Variants in TSPAN5 observed in about 807,000 individuals in gnomAD.
TSPAN5 encodes tetraspanin 5.
Under a neutral mutation model 37.1 loss-of-function variants are expected in TSPAN5, and 10 were observed. That is an observed-to-expected ratio of 0.27 (90% confidence interval 0.17 to 0.46). The LOEUF (loss-of-function observed/expected upper bound fraction) is 0.46. Among genes scored for constraint, TSPAN5 ranks in the 20% least tolerant of loss-of-function variants. The pLI is 1.00. For missense variants in TSPAN5, 195 were observed against 326.6 expected (o/e 0.60, Z 3.11); for synonymous variants, 110 against 118.9 (o/e 0.93, Z 0.48).
chr4:98,614,598 A>G (rs1310258627), intron 1 of TSPAN5, among the ~76,000 whole-genome samples: 2 of 152,236 alleles, frequency 1.3e-5, no homozygotes, highest in Non-Finnish European at 2.9e-5. Flanking sequence ...ATTAAAAATA[A>G]GAAAATGACA....
intron 1 of TSPAN5, among the ~76,000 whole-genome samples, chr4:98,652,285 G>T (rs1757208224): frequency 6.6e-6 from 1 of 152,200 alleles, no homozygotes; most frequent in Admixed American, 6.5e-5. Flanking sequence ...TTGGAAGTTA[G>T]AAATTTTAAG....
At chr4:98,553,642 G>C (rs754320169) in intron 1 of TSPAN5, among the ~76,000 whole-genome samples, 1 of 152,100 alleles carries the variant, frequency 6.6e-6, no homozygotes, top group Non-Finnish European at 1.5e-5. Context: ...GTGTTTTTGG[G>C]TATGTTTTCA....
rs1752582080 is a variant in TSPAN5 at position 98,471,461 on chromosome 4, C to T, written c.*1061G>A. 1 of 152,114 alleles carries T rather than the reference C, an allele frequency of 6.6e-6. No individual in the cohort carries two copies. Among genetic ancestry groups the T allele is most frequent in the South Asian group, 2.1e-4 (1 of 4,816 alleles). 9.4% of individuals were successfully genotyped at this position (152,114 alleles called of 1,614,324 possible). A position where few individuals can be genotyped will look rare whatever the true frequency, so the allele number is the denominator to read the frequency against. ...GCCACAACCTCCCAAGGCTGTGAAC[C>T]TAGGAAATAAGTGCTGACCAAATAA... On this transcript the variant is annotated 3_prime_UTR_variant, in exon 8 of 8. Coordinates refer to ENST00000305798, the MANE Select transcript of TSPAN5 (RefSeq NM_005723.4).
At chr4:98,587,874 C>A (rs1755531497) in intron 1 of TSPAN5, among the ~76,000 whole-genome samples, 1 of 151,238 alleles carries the variant, frequency 6.6e-6, no homozygotes, top group African/African-American at 2.4e-5. Context: ...GGTGACAGAA[C>A]AAGACTCCGT....
intron 1 of TSPAN5, among the ~76,000 whole-genome samples, chr4:98,582,113 G>A (rs1347375542): frequency 6.6e-6 from 1 of 152,172 alleles, no homozygotes; most frequent in African/African-American, 2.4e-5. Context: ...TTGCCAGGTG[G>A]AATCGTTAAA....
intron 5 of TSPAN5, among the ~76,000 whole-genome samples, chr4:98,477,473 T>C (rs993021006): frequency 1.3e-5 from 2 of 152,044 alleles, no homozygotes; most frequent in African/African-American, 4.8e-5. Context: ...AGAAGGAGCA[T>C]CCCCACTGAG....
intron 1 of TSPAN5, among the ~76,000 whole-genome samples, chr4:98,550,314 C>T (rs758089620): frequency 4.2e-4 from 64 of 152,214 alleles, no homozygotes; most frequent in African/African-American, 1.1e-3. Context: ...AGTCAGGTAA[C>T]GTGACGCCTC....
intron 2 of TSPAN5, among the ~76,000 whole-genome samples, chr4:98,499,392 T>C (rs1385804670): frequency 1.3e-5 from 2 of 152,202 alleles, no homozygotes; most frequent in Non-Finnish European, 2.9e-5. Flanking sequence ...TATCCAGCCC[T>C]GTCTAATCAC....
chr4:98,474,360 A>G, intron 7 of TSPAN5, among the ~76,000 whole-genome samples: 1 of 152,032 alleles, frequency 6.6e-6, no homozygotes, highest in East Asian at 1.9e-4. Flanking sequence ...AGCTTATTTC[A>G]TCTTCTTTTT....
intron 1 of TSPAN5, among the ~76,000 whole-genome samples, chr4:98,553,836 G>T (rs1754675611): frequency 6.6e-6 from 1 of 152,166 alleles, no homozygotes; most frequent in African/African-American, 2.4e-5. Flanking sequence ...GGAGGCTGAG[G>T]CAAGTGGATC....
chr4:98,524,164 C>T (rs10516434), intron 1 of TSPAN5, among the ~76,000 whole-genome samples: 32,117 of 152,024 alleles, frequency 0.21, 3,529 homozygotes, highest in South Asian at 0.24. Flanking sequence ...GTATCAGAAC[C>T]GAAATAGCAT....
chr4:98,507,170 T>A (rs1226833609), intron 2 of TSPAN5, among the ~76,000 whole-genome samples: 2 of 152,222 alleles, frequency 1.3e-5, no homozygotes, highest in Non-Finnish European at 2.9e-5. Context: ...TTATTTACAT[T>A]AATGATGAGT....
chr4:98,598,719 C>G (rs1036565309), intron 1 of TSPAN5, among the ~76,000 whole-genome samples: 2 of 152,164 alleles, frequency 1.3e-5, no homozygotes, highest in African/African-American at 4.8e-5. Context: ...ACCTCAGCCT[C>G]AATCTCCCAA....
At chr4:98,542,632 T>A (rs931942514) in intron 1 of TSPAN5, among the ~76,000 whole-genome samples, 1 of 149,970 alleles carries the variant, frequency 6.7e-6, no homozygotes, top group Non-Finnish European at 1.5e-5. Flanking sequence ...GGCAGGAGGA[T>A]CGTTTGAGCC....
chr4:98,623,564 T>C (rs1389477831), intron 1 of TSPAN5, among the ~76,000 whole-genome samples: 1 of 152,208 alleles, frequency 6.6e-6, no homozygotes, highest in Non-Finnish European at 1.5e-5. Context: ...TACATATCAA[T>C]CACGAGTGTA....
chr4:98,555,329 C>T (rs564733749), intron 1 of TSPAN5, among the ~76,000 whole-genome samples: 21 of 152,266 alleles, frequency 1.4e-4, no homozygotes, highest in South Asian at 2.1e-4. Context: ...CAATTTTTGA[C>T]GTCAATCATC....
chr4:98,612,841 C>T (rs1288765715), intron 1 of TSPAN5, among the ~76,000 whole-genome samples: 1 of 152,228 alleles, frequency 6.6e-6, no homozygotes, highest in Non-Finnish European at 1.5e-5. Flanking sequence ...ACAGGGCTAA[C>T]CTCTCCATCC....
At chr4:98,620,025 G>C (rs933070008) in intron 1 of TSPAN5, among the ~76,000 whole-genome samples, 1 of 152,172 alleles carries the variant, frequency 6.6e-6, no homozygotes, top group African/African-American at 2.4e-5. Context: ...TTTAGACGTA[G>C]CATGGAGAAT....
intron 1 of TSPAN5, among the ~76,000 whole-genome samples, chr4:98,541,752 C>T (rs1268841053): frequency 6.6e-6 from 1 of 151,134 alleles, no homozygotes; most frequent in East Asian, 1.9e-4. Context: ...AAACTTTATG[C>T]CACACTTTCT....
Sources: gnomAD v4.1 joint callset for allele counts (sites outside exome capture counted in the v4.1 genomes callset) on GRCh38, gnomAD v4.1.1 for gene constraint, MANE v1.5 for transcripts, NCBI Gene and HGNC (gene_info 2026-07-23, HGNC 2026-07-21) for gene names.